Variants in DNAH2 observed in about 807,000 individuals in gnomAD.
DNAH2 encodes axonemal beta dynein heavy chain 2.
A neutral mutation model predicts 523.5 loss-of-function variants in DNAH2; 323 were observed. The ratio of observed to expected loss-of-function variants is 0.62; its 90% CI spans 0.56 to 0.68. The LOEUF (loss-of-function observed/expected upper bound fraction) is 0.68. Ranked by LOEUF, DNAH2 falls within the 30% of genes least tolerant of loss-of-function variation. The probability of loss-of-function intolerance (pLI) is 0.00; values close to 1 mark genes in which losing one functional copy is unlikely to be tolerated. For synonymous variants in DNAH2, 2,093 were observed against 2,177.4 expected (o/e 0.96, Z 1.08); for missense variants, 4,907 against 5,701.5 (o/e 0.86, Z 4.49).
In DNAH2 at chr17:7,832,631, G is replaced by A. The variant is rs780600251; in HGVS notation, c.12779G>A (p.Arg4260His). 5.6e-6 allele frequency: 9 copies of A among 1,614,152 alleles called. No individual in the cohort carries two copies. Among genetic ancestry groups the A allele is most frequent in the South Asian group, 4.4e-5 (4 of 91,084 alleles). The change falls in exon 83 of 86, where the codon CGT becomes CAT. Residue 4260 changes from arginine to histidine, a missense_variant. By Grantham distance (29) the Arg-to-His change is conservative. Around this residue, in one of 3 missense-constraint regions of DNAH2, gnomAD observed 1,851 missense variants for 2,139.4 expected, o/e 0.87. Transcript: ENST00000572933. This position sits in a 1 kb window ranked among gnomAD's most constrained non-coding sequence, Gnocchi z 4.3. The part of the protein sequence containing the change: ...LAAWTRDLAM[R>H]VEQFELWASR... ...GCCTGGACCCGGGACTTGGCCATGCGTGTGGAGCAGTTTGAGCTGTGGGCC... is the reference window on the plus strand; with the variant it reads ...GCCTGGACCCGGGACTTGGCCATGCATGTGGAGCAGTTTGAGCTGTGGGCC...
Position 7,824,239 on chromosome 17 carries a change from C to T in DNAH2, c.11597C>T (p.Ala3866Val). 6.3e-7 allele frequency: 1 copy of T among 1,599,166 alleles called. No homozygotes were observed. The highest frequency in any genetic ancestry group is 8.5e-7 in the Non-Finnish European group (1 of 1,174,088). ...ATGGGCATGGCCCAGCGCTTCCACG[C>T]CCTGTCCCTGGGCCAGGGCCAGGCC... is the stretch of plus-strand genomic sequence containing the variant. ...EHMGMAQRFH[A>V]LSLGQGQAPI... The change falls in exon 76 of 86, where the codon GCC becomes GTC. Residue 3866 changes from alanine (A) to valine (V), a missense_variant. This residue lies in a region of DNAH2 where 1,851 missense variants were observed against 2,139.4 expected (regional missense o/e 0.87). Coordinates refer to ENST00000572933, the MANE Select transcript of DNAH2 (RefSeq NM_020877.5).
intron 31 of DNAH2, 113 bp from the exon 32 acceptor site, chr17:7,776,666 A>T (rs2076461129): frequency 1.3e-6 from 1 of 746,202 alleles, no homozygotes; most frequent in African/African-American, 1.7e-5. Flanking sequence ...TTCAGAGCAG[A>T]TTGGGTGCAG....
chr17:7,772,653 C>CA lies in DNAH2; in HGVS notation c.4501+1187dup, dbSNP rs557736121. ...GGAACTGGGAAGACAAGGGGAAAAT[C>CA]AATCAAGGCCTGAGGTATGGGGCTG... On this transcript the variant is annotated intron_variant, in intron 28 of 85. Transcript: ENST00000572933. Among the ~76,000 whole-genome samples the CA allele has an allele frequency of 1.8e-4, 28 of 152,256 alleles. 1 individual carries two copies. The South Asian group carries it at 5.2e-3, about 28-fold the overall frequency.
rs2076578707 is a variant in DNAH2, at chr17:7,780,658, A to G, written c.5879A>G (p.Tyr1960Cys). 6.2e-7 allele frequency: 1 copy of G among 1,614,166 alleles called. No homozygotes were observed. The highest frequency in any genetic ancestry group is 2.2e-5 in the East Asian group (1 of 44,876). ...KILAKKVYTL[Y>C]SLAVQQLSRQ... ...CTGGCCAAGAAGGTGTACACACTCT[A>G]CTCACTGGCTGTGCAGCAGCTGTCC... The change falls in exon 38 of 86, where the codon TAC becomes TGC. Residue 1960 changes from tyrosine to cysteine, a missense_variant. Around this residue, in one of 3 missense-constraint regions of DNAH2, gnomAD observed 2,806 missense variants for 3,190.8 expected, o/e 0.88. Coordinates refer to ENST00000572933, the MANE Select transcript of DNAH2 (RefSeq NM_020877.5). The surrounding 1 kb of genome is among the most constrained non-coding windows in gnomAD (Gnocchi z 4.4).
chr17:7,733,330 C>G lies in DNAH2; in HGVS notation c.628+15C>G. ...CTGCCTGACAGGTAAGTGGGAAGACCGGAGTGACTAGTTTCTCCTTAGTGT... is the reference window on the plus strand; with the variant it reads ...CTGCCTGACAGGTAAGTGGGAAGACGGGAGTGACTAGTTTCTCCTTAGTGT... On this transcript the variant is annotated intron_variant, in intron 5 of 85. Coordinates refer to ENST00000572933, the MANE Select transcript of DNAH2 (RefSeq NM_020877.5). 7 of 1,612,692 alleles carry G rather than the reference C, an allele frequency of 4.3e-6. No individual in the cohort carries two copies. Among genetic ancestry groups the G allele is most frequent in the African/African-American group, 4.0e-5 (3 of 75,004 alleles).
At chr17:7,755,210 A>T (rs1316208611) in intron 12 of DNAH2, among the ~76,000 whole-genome samples, 2 of 152,174 alleles carry the variant, frequency 1.3e-5, no homozygotes, top group East Asian at 3.9e-4. Flanking sequence ...AGTGGAAAGG[A>T]TTTGCAGGTA....
intron 64 of DNAH2, 76 bp downstream of exon 64, chr17:7,816,811 G>C (rs973480851): frequency 6.4e-7 from 1 of 1,552,876 alleles, no homozygotes; most frequent in Non-Finnish European, 8.7e-7. Context: ...TTTAGCTTGA[G>C]GAGCAGTCAG....
intron 68 of DNAH2, 29 bp downstream of exon 68, chr17:7,818,125 G>C: frequency 1.2e-6 from 2 of 1,608,614 alleles, no homozygotes; most frequent in African/African-American, 2.7e-5. Context: ...GACCAGCCAA[G>C]TGGGATGCTA....
intron 42 of DNAH2, 54 bp from the exon 43 acceptor site, chr17:7,787,806 C>T: frequency 1.1e-5 from 17 of 1,536,854 alleles, no homozygotes; most frequent in Non-Finnish European, 1.5e-5. Context: ...TTTATTATTC[C>T]TGAAGGTGGG....
intron 77 of DNAH2, among the ~76,000 whole-genome samples, chr17:7,829,143 T>TA (rs2078100166): frequency 6.6e-6 from 1 of 152,052 alleles, no homozygotes; most frequent in Non-Finnish European, 1.5e-5. Flanking sequence ...GCCTCCCGAG[T>TA]AGCTGGGACT....
chr17:7,776,020 C>G lies in DNAH2; in HGVS notation c.4822-4C>G. 5 of 1,613,736 alleles carry G rather than the reference C, an allele frequency of 3.1e-6. No homozygotes were observed. The highest frequency in any genetic ancestry group is 4.2e-6 in the Non-Finnish European group (5 of 1,179,718). On this transcript the variant is annotated splice_polypyrimidine_tract_variant and splice_region_variant and intron_variant, in intron 30 of 85. Coordinates refer to ENST00000572933, the MANE Select transcript of DNAH2 (RefSeq NM_020877.5). The stretch of plus-strand genomic sequence containing the variant: ...AGCTGCCCTATTCTCCCACCTCCCC[C>G]CAGTCCTGGCTTGGCGATGTGGAAC...
chr17:7,766,310 C>G lies in DNAH2; in HGVS notation c.3512-8C>G. The G allele has an allele frequency of 6.2e-7, 1 of 1,611,216 alleles. No individual in the cohort carries two copies. Among genetic ancestry groups the G allele is most frequent in the Non-Finnish European group, 8.5e-7 (1 of 1,177,798 alleles). ...GGGAAGCTGAGCTTCATCCTGAATC[C>G]TCCACAGGCCATTTCACCAGCAACG... On this transcript the variant is annotated splice_polypyrimidine_tract_variant and splice_region_variant and intron_variant, in intron 21 of 85. Coordinates refer to ENST00000572933, the MANE Select transcript of DNAH2 (RefSeq NM_020877.5).
At chr17:7,756,734 G>C (rs992649154) in intron 12 of DNAH2, among the ~76,000 whole-genome samples, 1 of 152,122 alleles carries the variant, frequency 6.6e-6, no homozygotes, top group African/African-American at 2.4e-5. Flanking sequence ...GCAGTGGTGC[G>C]ATCTCAGCTC....
In DNAH2 at chr17:7,757,090, G is replaced by C; in HGVS notation, c.1905-1G>C. ...CACTGCCTGGCTGCTCTCTCTCAAA[G>C]GTCCCTTCTGATTCTCTTTGCGGAA... is the stretch of plus-strand genomic sequence containing the variant. On this transcript the variant is annotated splice_acceptor_variant, in intron 12 of 85. Transcript: ENST00000572933. LOFTEE classifies it high-confidence loss of function. 1 of 1,614,074 alleles carries C rather than the reference G, an allele frequency of 6.2e-7. No homozygotes were observed. Among genetic ancestry groups the C allele is most frequent in the Non-Finnish European group, 8.5e-7 (1 of 1,179,988 alleles).
At chr17:7,792,917 C>T in intron 47 of DNAH2, 62 bp downstream of exon 47, 1 of 1,603,210 alleles carries the variant, frequency 6.2e-7, no homozygotes, top group East Asian at 2.2e-5. Flanking sequence ...CCTGCCTGAC[C>T]CTCCTCTCTA....
At chr17:7,752,098 C>T (rs2075700108) in intron 12 of DNAH2, among the ~76,000 whole-genome samples, 1 of 145,206 alleles carries the variant, frequency 6.9e-6, no homozygotes, top group Non-Finnish European at 1.5e-5. Flanking sequence ...ACCACCGGGC[C>T]TGGCCAACAG....
Position 7,740,906 on chromosome 17 carries a change from C to A in DNAH2, c.1603C>A (p.Pro535Thr), listed in dbSNP as rs2075294444. The A allele has an allele frequency of 6.2e-7, 1 of 1,613,874 alleles. No individual in the cohort carries two copies. Among genetic ancestry groups the A allele is most frequent in the Non-Finnish European group, 8.5e-7 (1 of 1,179,876 alleles). ...GAACCGTGAACGGAACAAGAAATGG[C>A]CAGACCTGGAGCCCTACGTGGCCCA... ...LVNRERNKKW[P>T]DLEPYVAQYS... The change falls in exon 11 of 86, where the codon CCA (proline) becomes ACA (threonine). Residue 535 changes from proline to threonine, a missense_variant. By Grantham distance (38) the Pro-to-Thr change is conservative. Transcript: ENST00000572933.
rs1955927548 is a variant in DNAH2 at position 7,732,045 on chromosome 17, AAG to A, written c.400-1041_400-1040del. Among the ~76,000 whole-genome samples, 4 of 143,640 alleles carry A rather than the reference AAG, an allele frequency of 2.8e-5. No homozygotes were observed. The Admixed American group carries it at 2.8e-4, about 10-fold the overall frequency. 94.2% of individuals were successfully genotyped at this position (143,640 alleles called of 152,430 possible). A position where few individuals can be genotyped will look rare whatever the true frequency, so the allele number is the denominator to read the frequency against. On this transcript the variant is annotated intron_variant, in intron 4 of 85. Transcript: ENST00000572933. ...ACTTCGTCTCAAAAAAAAAAAAAAA[AAG>A]GACACAAAATGCCAATATTTATTTT...
At chr17:7,729,344 G>A (rs1044387601) in intron 4 of DNAH2, among the ~76,000 whole-genome samples, 3 of 149,558 alleles carry the variant, frequency 2.0e-5, no homozygotes, top group Non-Finnish European at 4.4e-5. Flanking sequence ...CCAGGAGTTC[G>A]AATCAATCCT....
Sources: allele counts gnomAD v4.1 joint callset (sites outside exome capture counted in the v4.1 genomes callset), GRCh38; gene constraint gnomAD v4.1.1; regional missense constraint gnomAD v4.1.1; non-coding constraint Gnocchi (gnomAD v3.1); transcripts MANE v1.5; gene names NCBI Gene and HGNC (gene_info 2026-07-23, HGNC 2026-07-21).